The following PCDH11Y variants were observed in gnomAD, a reference collection of about 807,000 sequenced individuals.
PCDH11Y encodes protocadherin-11 Y-linked.
For missense variants in PCDH11Y, 12 were observed against 224.8 expected (o/e 0.05, Z 6.05); for synonymous variants, 9 against 83.6 (o/e 0.11, Z 4.87).
At chrY:5,433,543 G>T in intron 2 of PCDH11Y, among the ~76,000 whole-genome samples, 1 of 34,123 alleles carries the variant, frequency 2.9e-5, no homozygotes, top group Non-Finnish European at 7.3e-5. Flanking sequence ...GAGAACAAAA[G>T]ATAAAATTAA....
chrY:5,586,433 G>A (rs1602946899), intron 4 of PCDH11Y, among the ~76,000 whole-genome samples: 1 of 32,164 alleles, frequency 3.1e-5, no homozygotes, highest in African/African-American at 1.2e-4. Flanking sequence ...AGCACTTTTT[G>A]CACATTGATT....
At chrY:5,301,510 A>G in intron 2 of PCDH11Y, among the ~76,000 whole-genome samples, 1 of 33,883 alleles carries the variant, frequency 3.0e-5, no homozygotes, top group African/African-American at 1.1e-4. Flanking sequence ...ATCATTTGTG[A>G]AGAATGTACT....
chrY:5,238,670 C>T (rs2052982659), intron 2 of PCDH11Y, among the ~76,000 whole-genome samples: 1 of 32,472 alleles, frequency 3.1e-5, no homozygotes, highest in Non-Finnish European at 7.5e-5. Flanking sequence ...TTGCAATCTA[C>T]TCATCTGACA....
intron 2 of PCDH11Y, among the ~76,000 whole-genome samples, chrY:5,244,105 G>C (rs2052992251): frequency 3.0e-5 from 1 of 33,416 alleles, no homozygotes; most frequent in African/African-American, 1.2e-4. Context: ...CAGGAATCAG[G>C]TCTAAGAAAT....
chrY:5,043,609 G>A, intron 3 of PCDH11Y, among the ~76,000 whole-genome samples: 1 of 33,417 alleles, frequency 3.0e-5, no homozygotes, highest in Non-Finnish European at 7.4e-5. Flanking sequence ...TTGGTATCAG[G>A]ATGATGCTGG....
intron 1 of PCDH11Y, among the ~76,000 whole-genome samples, chrY:5,097,144 T>TAA (rs772129829): frequency 6.0e-3 from 82 of 13,632 alleles, no homozygotes; most frequent in South Asian, 0.029. Flanking sequence ...GCTTGCATGT[T>TAA]AAAAAAAAAA....
At chrY:5,031,471 A>G in intron 1 of PCDH11Y, among the ~76,000 whole-genome samples, 1 of 33,118 alleles carries the variant, frequency 3.0e-5, no homozygotes, top group South Asian at 6.7e-4. Flanking sequence ...ATAAAACTCA[A>G]AATAATTCAT....
chrY:5,374,013 G>A (rs1602914514), intron 2 of PCDH11Y, among the ~76,000 whole-genome samples: 65 of 32,605 alleles, frequency 2.0e-3, no homozygotes, highest in Non-Finnish European at 3.5e-3. Context: ...AAACATTATC[G>A]AATGTATAAA....
chrY:5,194,589 C>A, intron 2 of PCDH11Y, among the ~76,000 whole-genome samples: 4 of 32,319 alleles, frequency 1.2e-4, no homozygotes. Flanking sequence ...GGTTCAGCTT[C>A]CTCATTTGTA....
intron 2 of PCDH11Y, among the ~76,000 whole-genome samples, chrY:5,439,499 G>T: frequency 3.0e-5 from 1 of 32,965 alleles, no homozygotes; most frequent in African/African-American, 1.2e-4. Flanking sequence ...ATTTTAAAAA[G>T]AAGTATTATA....
chrY:5,475,771 A>G, intron 2 of PCDH11Y, among the ~76,000 whole-genome samples: 1 of 31,131 alleles, frequency 3.2e-5, no homozygotes, highest in Non-Finnish European at 7.7e-5. Flanking sequence ...GTGTACTTAC[A>G]TGAACTTACA....
intron 2 of PCDH11Y, among the ~76,000 whole-genome samples, chrY:5,331,017 A>G (rs2053130818): frequency 3.0e-5 from 1 of 33,169 alleles, no homozygotes; most frequent in Non-Finnish European, 7.4e-5. Context: ...ATTTTTATCA[A>G]TTTTGTGCAA....
intron 3 of PCDH11Y, among the ~76,000 whole-genome samples, chrY:5,577,296 A>G: frequency 3.1e-5 from 1 of 32,269 alleles, no homozygotes; most frequent in Non-Finnish European, 7.6e-5. Context: ...CTTGTGGACT[A>G]GGAAGATTTT....
At chrY:5,486,032 T>A (rs2053331024) in intron 2 of PCDH11Y, among the ~76,000 whole-genome samples, 1 of 27,242 alleles carries the variant, frequency 3.7e-5, no homozygotes, top group Non-Finnish European at 8.6e-5. Context: ...AGCATAGTAA[T>A]AGTCAGGAAG....
chrY:5,647,048 A>C, intron 4 of PCDH11Y, among the ~76,000 whole-genome samples: 1 of 33,658 alleles, frequency 3.0e-5, no homozygotes, highest in Non-Finnish European at 7.4e-5. Flanking sequence ...CAAATATCTG[A>C]ATTTTACTTT....
chrY:5,562,822 T>A, intron 3 of PCDH11Y, among the ~76,000 whole-genome samples: 6 of 29,752 alleles, frequency 2.0e-4, no homozygotes, highest in Admixed American at 1.8e-3. Context: ...AAACTGAATA[T>A]TTTTTATTTG....
At position 5,383,639 on chromosome Y, in the gene PCDH11Y, A is replaced by T. The variant is rs376295189; in HGVS notation, c.3130-117418A>T. ...TTTTCAGAATATATATATATTTTTG[A>T]AACAGAGTCTAGCTCTGTCGCCAGG... is the stretch of plus-strand genomic sequence containing the variant. On this transcript the variant is annotated intron_variant, in intron 2 of 4. Transcript: ENST00000400457. 1.9e-3 allele frequency among the ~76,000 whole-genome samples: 63 copies of T among 33,403 alleles called. No individual in the cohort carries two copies. The East Asian group carries it at 0.047, about 25-fold the overall frequency. The allele number at this position is 33,403 out of a possible 37,273, so 89.6% of individuals were successfully genotyped here.
chrY:5,242,414 A>C (rs2052989579), intron 2 of PCDH11Y, among the ~76,000 whole-genome samples: 2 of 29,582 alleles, frequency 6.8e-5, no homozygotes, highest in Admixed American at 6.4e-4. Flanking sequence ...GTTGCTATAA[A>C]CCTTCAGATT....
At chrY:5,655,563 T>G in intron 4 of PCDH11Y, among the ~76,000 whole-genome samples, 1 of 32,971 alleles carries the variant, frequency 3.0e-5, no homozygotes, top group Admixed American at 2.9e-4. Flanking sequence ...GGCTTCAATG[T>G]GCTCCTGCAT....
Sources: gnomAD v4.1 joint callset for allele counts (sites outside exome capture counted in the v4.1 genomes callset) on GRCh38, gnomAD v4.1.1 for gene constraint, MANE v1.5 for transcripts, NCBI Gene and HGNC (gene_info 2026-07-23, HGNC 2026-07-21) for gene names.